CPNE8: variants seen among roughly 807,000 people sequenced by gnomAD.
CPNE8 encodes copine 8, also known as copine-8.
In CPNE8, 45 loss-of-function variants were observed where a neutral mutation model predicts 81.5. The ratio of observed to expected loss-of-function variants is 0.55; its 90% CI spans 0.44 to 0.71. CPNE8 has a LOEUF of 0.71. Ranked by LOEUF, CPNE8 falls within the 30% of genes least tolerant of loss-of-function variation. The pLI, the probability that CPNE8 is intolerant of heterozygous loss-of-function variation, is 0.00. For synonymous variants in CPNE8, 252 were observed against 226.3 expected, an observed-to-expected ratio of 1.11 and a Z score of -1.02; for missense variants, 594 against 672.1, an observed-to-expected ratio of 0.88 and a Z score of 1.28.
chr12:38,854,676 T>G (rs577992478), intron 3 of CPNE8, among the ~76,000 whole-genome samples: 17 of 152,166 alleles, frequency 1.1e-4, no homozygotes, highest in African/African-American at 4.1e-4. Flanking sequence ...AACTATATGA[T>G]CAACTCAATG....
At chr12:38,749,225 T>C (rs982069799) in intron 10 of CPNE8, among the ~76,000 whole-genome samples, 6 of 152,234 alleles carry the variant, frequency 3.9e-5, no homozygotes, top group Admixed American at 6.5e-5. Flanking sequence ...CACGTGAGAC[T>C]TGACTTGCTC....
intron 1 of CPNE8, among the ~76,000 whole-genome samples, chr12:38,892,713 C>A (rs1416248138): frequency 1.3e-5 from 2 of 152,196 alleles, no homozygotes; most frequent in Non-Finnish European, 2.9e-5. Flanking sequence ...AGGAAGCACA[C>A]AAGACTGAAT....
At chr12:38,849,550 GAGA>G (rs1461957070) in intron 3 of CPNE8, among the ~76,000 whole-genome samples, 7 of 152,268 alleles carry the variant, frequency 4.6e-5, no homozygotes, top group South Asian at 2.1e-4. Flanking sequence ...AATAGGAAAA[GAGA>G]AGAACTATGA....
intron 6 of CPNE8, among the ~76,000 whole-genome samples, chr12:38,789,579 G>T (rs988289812): frequency 3.3e-5 from 5 of 151,564 alleles, no homozygotes; most frequent in Non-Finnish European, 5.9e-5. Flanking sequence ...GGCAATCAAA[G>T]AAAAAATGGA....
Position 38,693,725 on chromosome 12 carries a change from T to C in CPNE8, c.1075A>G (p.Met359Val). 6.2e-7 allele frequency: 1 copy of C among 1,613,682 alleles called. No homozygotes were observed. The highest frequency in any genetic ancestry group is 8.5e-7 in the Non-Finnish European group (1 of 1,179,720). The change falls in exon 15 of 20, where the codon ATG (methionine) becomes GTG (valine). Residue 359 changes from methionine (M) to valine (V), a missense_variant. Met to Val is a conservative substitution (Grantham distance 21). Transcript: ENST00000331366. ...GCACCAAATCCTAGAGCTGGAAACA[T>C]TTTATCACTGTCATAATCTTGAACA... The part of the protein sequence containing the change: ...EIVQDYDSDK[M>V]FPALGFGAKL...
chr12:38,682,556 A>G (rs1939434458), intron 16 of CPNE8, among the ~76,000 whole-genome samples: 1 of 152,146 alleles, frequency 6.6e-6, no homozygotes, highest in African/African-American at 2.4e-5. Flanking sequence ...AACAAACAAA[A>G]CCTCATGTGG....
chr12:38,764,632 A>AAG (rs1555155272), intron 8 of CPNE8, among the ~76,000 whole-genome samples: 5 of 150,124 alleles, frequency 3.3e-5, no homozygotes, highest in African/African-American at 1.2e-4. Context: ...AAAAAAAAAA[A>AAG]AAAAAAAGAA....
chr12:38,882,723 C>A (rs1345519720), intron 1 of CPNE8, among the ~76,000 whole-genome samples: 1 of 152,186 alleles, frequency 6.6e-6, no homozygotes, highest in Non-Finnish European at 1.5e-5. Context: ...CTCCGTAACA[C>A]TGCACTGAGC....
At chr12:38,745,727 T>C (rs1941211512) in intron 10 of CPNE8, among the ~76,000 whole-genome samples, 1 of 152,138 alleles carries the variant, frequency 6.6e-6, no homozygotes, top group Non-Finnish European at 1.5e-5. Context: ...AAATTATTTG[T>C]AGAGACAAGG....
intron 10 of CPNE8, among the ~76,000 whole-genome samples, chr12:38,743,776 T>C (rs1941163150): frequency 2.0e-5 from 3 of 151,528 alleles, no homozygotes; most frequent in African/African-American, 4.8e-5. Context: ...TTAGGGTACA[T>C]TAGGAGATAC....
At chr12:38,731,023 C>T (rs1940818794) in intron 10 of CPNE8, among the ~76,000 whole-genome samples, 1 of 151,800 alleles carries the variant, frequency 6.6e-6, no homozygotes, top group Admixed American at 6.6e-5. Context: ...CTTTCATCAA[C>T]TGAGGTTGAC....
chr12:38,704,826 G>GTGTATATATATATATATA (rs1249607170), intron 13 of CPNE8, among the ~76,000 whole-genome samples: 1 of 50,200 alleles, frequency 2.0e-5, no homozygotes, highest in Non-Finnish European at 5.5e-5. Context: ...GTATGTATGT[G>GTGTATATATATATATATA]TATATATATA....
chr12:38,902,610 G>A (rs1335211238), intron 1 of CPNE8, among the ~76,000 whole-genome samples: 1 of 152,152 alleles, frequency 6.6e-6, no homozygotes, highest in South Asian at 2.1e-4. Flanking sequence ...TTGTTGCTAA[G>A]TGAAATCCCC....
At chr12:38,780,624 G>C (rs1292205262) in intron 6 of CPNE8, among the ~76,000 whole-genome samples, 1 of 151,934 alleles carries the variant, frequency 6.6e-6, no homozygotes, top group Non-Finnish European at 1.5e-5. Flanking sequence ...GATCGACAAA[G>C]ATATGATCTA....
chr12:38,894,718 T>G (rs1944364528), intron 1 of CPNE8, among the ~76,000 whole-genome samples: 2 of 147,802 alleles, frequency 1.4e-5, no homozygotes, highest in Non-Finnish European at 1.5e-5. Context: ...TCTCATATTC[T>G]TTACTTATAG....
chr12:38,670,306 T>C (rs114957473), intron 19 of CPNE8, among the ~76,000 whole-genome samples: 1,635 of 152,282 alleles, frequency 0.011, 20 homozygotes, highest in African/African-American at 0.037. Context: ...GGAAATTTTA[T>C]GCAACTATTA....
At chr12:38,741,178 C>A (rs553689695) in intron 10 of CPNE8, among the ~76,000 whole-genome samples, 17 of 150,996 alleles carry the variant, frequency 1.1e-4, no homozygotes, top group East Asian at 9.7e-4. Context: ...TTGGAAAAAA[C>A]CACTTTAAAG....
At chr12:38,803,002 G>A (rs1942717468) in intron 6 of CPNE8, among the ~76,000 whole-genome samples, 1 of 128,110 alleles carries the variant, frequency 7.8e-6, no homozygotes, top group African/African-American at 3.0e-5. Context: ...CTCTGAAATT[G>A]TGGCAATAAT....
intron 3 of CPNE8, among the ~76,000 whole-genome samples, chr12:38,864,164 A>G (rs930336980): frequency 3.9e-5 from 6 of 152,124 alleles, no homozygotes. Flanking sequence ...GTATAAATTG[A>G]CAGACAGATT....
Sources: allele counts gnomAD v4.1 joint callset (sites outside exome capture counted in the v4.1 genomes callset), GRCh38; gene constraint gnomAD v4.1.1; transcripts MANE v1.5; gene names NCBI Gene and HGNC (gene_info 2026-07-23, HGNC 2026-07-21).